LSM11: variants seen among roughly 807,000 people sequenced by gnomAD.
LSM11 encodes the protein LSM11, U7 small nuclear RNA associated, also known as U7 snRNA-associated Sm-like protein LSm11.
A neutral mutation model predicts 28.1 loss-of-function variants in LSM11; 14 were observed. The observed-to-expected ratio is 0.50, with a 90% CI of 0.33 to 0.78. The LOEUF (loss-of-function observed/expected upper bound fraction) is 0.78. LSM11 is among the 30% of genes least tolerant of loss of function. The pLI is 0.02. For missense variants in LSM11, 495 were observed against 510.6 expected, an observed-to-expected ratio of 0.97 and a Z score of 0.30; for synonymous variants, 207 against 214.2, an observed-to-expected ratio of 0.97 and a Z score of 0.30.
Position 157,743,766 on chromosome 5 carries a change from C to T in LSM11, c.16C>T (p.Arg6Trp), listed in dbSNP as rs566098761. 968 of 1,403,590 alleles carry T rather than the reference C, an allele frequency of 6.9e-4. 2 individuals carry two copies. The highest frequency in any genetic ancestry group is 2.8e-3 in the South Asian group (188 of 66,680). 86.9% of individuals were successfully genotyped at this position (1,403,590 alleles called of 1,614,324 possible). A position where few individuals can be genotyped will look rare whatever the true frequency, so the allele number is the denominator to read the frequency against. Residue 6 changes from arginine (R) to tryptophan (W), a missense_variant, in exon 1 of 4, where the codon CGG (arginine) becomes TGG (tryptophan). Arg to Trp is a moderately radical substitution (Grantham distance 101). Transcript: ENST00000286307. Reference sequence around the variant, plus strand: ...CCTTTCAAACATGGAGGAGCGGGAGCGGGGGGCGAGGTCGGCTGGCGCCGG... The same window carrying T: ...CCTTTCAAACATGGAGGAGCGGGAGTGGGGGGCGAGGTCGGCTGGCGCCGG... MEERE[R>W]GARSAGAGSP...
chr5:157,750,816 C>G (rs1561620285), intron 1 of LSM11, among the ~76,000 whole-genome samples: 1 of 152,128 alleles, frequency 6.6e-6, no homozygotes, highest in Non-Finnish European at 1.5e-5. Flanking sequence ...GAGTCTTGCT[C>G]TGTTGCCCAG....
At chr5:157,750,052 G>A (rs568936565) in intron 1 of LSM11, among the ~76,000 whole-genome samples, 13 of 152,274 alleles carry the variant, frequency 8.5e-5, no homozygotes, top group African/African-American at 1.2e-4. Flanking sequence ...AGAATTTTGC[G>A]TTGCAAACTT....
In LSM11 at chr5:157,743,967, G is replaced by C; in HGVS notation, c.217G>C (p.Gly73Arg). The C allele has an allele frequency of 7.8e-7, 1 of 1,287,448 alleles. No individual in the cohort carries two copies. The highest frequency in any genetic ancestry group is 9.8e-7 in the Non-Finnish European group (1 of 1,016,696). The allele number at this position is 1,287,448 out of a possible 1,614,324, so 79.8% of individuals were successfully genotyped here. A position where few individuals can be genotyped will look rare whatever the true frequency, so the allele number is the denominator to read the frequency against. Residue 73 changes from glycine (G) to arginine (R), a missense_variant, in exon 1 of 4, where the codon GGG becomes CGG. Transcript: ENST00000286307. ...GACCGGAGTCCGGGGCGGCGGGCGC[G>C]GGCGCGGGCGGGCTCGGGGCGCGGC... ...LRTGVRGGGRGRGRARGAAAG... is the reference protein window; with the variant it reads ...LRTGVRGGGRRRGRARGAAAG...
At chr5:157,746,491 A>G (rs1361324483) in intron 1 of LSM11, among the ~76,000 whole-genome samples, 1 of 152,242 alleles carries the variant, frequency 6.6e-6, no homozygotes, top group African/African-American at 2.4e-5. Context: ...TTTATGAAAA[A>G]ACAAGGAGTG....
Position 157,744,455 on chromosome 5 carries a change from G to T in LSM11, c.448+257G>T, listed in dbSNP as rs138860091. Among the ~76,000 whole-genome samples the T allele has an allele frequency of 3.1e-3, 479 of 152,302 alleles. 1 individual carries two copies. Among genetic ancestry groups the T allele is most frequent in the African/African-American group, 0.011 (455 of 41,550 alleles). ...ACAGAGGGAGAGTGGTAAGGCTGTA[G>T]TGGTCATAAGAAGCCGTGGGAAAGG... is the stretch of plus-strand genomic sequence containing the variant. On this transcript the variant is annotated intron_variant, in intron 1 of 3. Transcript: ENST00000286307.
At chr5:157,751,923 A>G (rs1160382079) in intron 2 of LSM11, among the ~76,000 whole-genome samples, 1 of 152,240 alleles carries the variant, frequency 6.6e-6, no homozygotes, top group East Asian at 1.9e-4. Flanking sequence ...CCTTAGTGCC[A>G]GGGTTGAGAA....
chr5:157,750,596 G>C (rs1326972202), intron 1 of LSM11, among the ~76,000 whole-genome samples: 1 of 152,186 alleles, frequency 6.6e-6, no homozygotes, highest in African/African-American at 2.4e-5. Flanking sequence ...GGGGTCAAAG[G>C]CCTTTCTTTC....
rs1237694808 is a variant in LSM11 at position 157,751,507 on chromosome 5, C to T, written c.566C>T (p.Ala189Val). The change falls in exon 2 of 4, where the codon GCA becomes GTA. Residue 189 changes from alanine (A) to valine (V), a missense_variant. Physicochemically the swap from Ala to Val is moderately conservative, Grantham distance 64. Coordinates refer to ENST00000286307, the MANE Select transcript of LSM11 (RefSeq NM_173491.4). The part of the protein sequence containing the change: ...LRGVCTGFLV[A>V]FDKFWNMALT... ...GGCGTCTGTACAGGCTTCCTTGTTG[C>T]ATTCGACAAGTTCTGGAATATGGTA... is the stretch of plus-strand genomic sequence containing the variant. The T allele has an allele frequency of 6.2e-7, 1 of 1,612,372 alleles. No individual in the cohort carries two copies. The highest frequency in any genetic ancestry group is 8.5e-7 in the Non-Finnish European group (1 of 1,179,366).
Position 157,755,572 on chromosome 5 carries a change from T to G in LSM11, c.*308T>G. The G allele has an allele frequency of 2.1e-6, 1 of 487,102 alleles. No homozygotes were observed. Among genetic ancestry groups the G allele is most frequent in the Admixed American group, 3.7e-5 (1 of 26,762 alleles). The allele number at this position is 487,102 out of a possible 1,614,324, so 30.2% of individuals were successfully genotyped here. A position where few individuals can be genotyped will look rare whatever the true frequency, so the allele number is the denominator to read the frequency against. On this transcript the variant is annotated 3_prime_UTR_variant, in exon 4 of 4. Transcript: ENST00000286307. ...TCCATTAGACTTAGGGGTCATGATA[T>G]GAGTGGAATTTACATTTTAGATACT... is the stretch of plus-strand genomic sequence containing the variant.
rs935041761 is a variant in LSM11, at chr5:157,744,257, G to A, written c.448+59G>A. On this transcript the variant is annotated intron_variant, in intron 1 of 3. Coordinates refer to ENST00000286307, the MANE Select transcript of LSM11 (RefSeq NM_173491.4). ...CCGCCGTCCGGAAGCTGGCTGCCGA[G>A]GGGGCGTCTGCGGGGCGGCGGTGGC... 14 of 1,201,272 alleles carry A rather than the reference G, an allele frequency of 1.2e-5. No homozygotes were observed. In the Admixed American group the frequency reaches 1.3e-4, roughly 11 times the overall value. The allele number at this position is 1,201,272 out of a possible 1,614,324, so 74.4% of individuals were successfully genotyped here.
In LSM11 at chr5:157,758,447, A is replaced by G. The variant is rs1761365498; in HGVS notation, c.*3183A>G. 3 of 152,222 alleles carry G rather than the reference A, an allele frequency of 2.0e-5. No homozygotes were observed. In the South Asian group the frequency reaches 6.2e-4, roughly 32 times the overall value. 9.4% of individuals were successfully genotyped at this position (152,222 alleles called of 1,614,324 possible). ...CGAAGATATTGTTTAAAAGAAAGAA[A>G]AAGTAGGTCCCAATAATATATGTGC... On this transcript the variant is annotated 3_prime_UTR_variant, in exon 4 of 4. Coordinates refer to ENST00000286307, the MANE Select transcript of LSM11 (RefSeq NM_173491.4).
chr5:157,746,726 G>A (rs139624115), intron 1 of LSM11, among the ~76,000 whole-genome samples: 2 of 152,176 alleles, frequency 1.3e-5, no homozygotes, highest in African/African-American at 4.8e-5. Context: ...CCTGGCCAAC[G>A]TGGTGAAACC....
rs765307029 is a variant in LSM11, at chr5:157,751,555, G to T, written c.588+26G>T. ...GTAATTAAGCCTTTCTCAAGGGGCT[G>T]GAGAACCTCCTACAGATTATATCTT... is the stretch of plus-strand genomic sequence containing the variant. On this transcript the variant is annotated intron_variant, in intron 2 of 3. Coordinates refer to ENST00000286307, the MANE Select transcript of LSM11 (RefSeq NM_173491.4). 235 of 1,600,294 alleles carry T rather than the reference G, an allele frequency of 1.5e-4. 3 individuals carry two copies. The South Asian group carries it at 2.3e-3, about 16-fold the overall frequency.
intron 2 of LSM11, 72 bp downstream of exon 2, chr5:157,751,601 G>A (rs1761233031): frequency 2.0e-6 from 3 of 1,505,000 alleles, no homozygotes; most frequent in African/African-American, 2.8e-5. Context: ...TAAAGGACCT[G>A]AGTAACTGCA....
At chr5:157,748,679 T>G (rs1290790059) in intron 1 of LSM11, among the ~76,000 whole-genome samples, 1 of 152,160 alleles carries the variant, frequency 6.6e-6, no homozygotes, top group Non-Finnish European at 1.5e-5. Context: ...AAATATTTCT[T>G]TCTAAGGAAA....
rs556779152 is a variant in LSM11 at position 157,744,650 on chromosome 5, G to T, written c.448+452G>T. Among the ~76,000 whole-genome samples the T allele has an allele frequency of 8.5e-5, 13 of 152,196 alleles. No homozygotes were observed. In the South Asian group the frequency reaches 2.7e-3, roughly 32 times the overall value. ...GAGGTCTTAGAGACCACAGTGAGAG[G>T]TAAGGTGGGGCGGAAAACGGGAGAC... On this transcript the variant is annotated intron_variant, in intron 1 of 3. Transcript: ENST00000286307.
At chr5:157,751,248 C>T (rs1761227077) in intron 1 of LSM11, 142 bp from the exon 2 acceptor site, 1 of 819,440 alleles carries the variant, frequency 1.2e-6, no homozygotes, top group African/African-American at 1.8e-5. Flanking sequence ...CCATGTTGCC[C>T]ATTGGACCTT....
intron 2 of LSM11, among the ~76,000 whole-genome samples, chr5:157,753,130 A>G (rs1036381292): frequency 2.0e-5 from 3 of 152,158 alleles, no homozygotes; most frequent in African/African-American, 4.8e-5. Context: ...CGCAGATCAC[A>G]CTGTTAGTAA....
Position 157,754,927 on chromosome 5 carries a change from C to G in LSM11, c.746C>G (p.Thr249Ser), listed in dbSNP as rs780925147. ...ADSKSAVEDS[T>S]LSRYSQTSTW... is the part of the protein sequence containing the mutation. The stretch of plus-strand genomic sequence containing the variant: ...TCTAAGTCTGCAGTTGAAGATTCCA[C>G]TCTGTCTAGATACTCACAGACATCC... Residue 249 changes from threonine (T) to serine (S), a missense_variant, in exon 4 of 4, where the codon ACT becomes AGT. Transcript: ENST00000286307. The G allele has an allele frequency of 2.5e-6, 4 of 1,614,218 alleles. No individual in the cohort carries two copies. In the South Asian group the frequency reaches 4.4e-5, roughly 18 times the overall value.
Sources: gnomAD v4.1 joint callset for allele counts (sites outside exome capture counted in the v4.1 genomes callset) on GRCh38, gnomAD v4.1.1 for gene constraint, MANE v1.5 for transcripts, NCBI Gene and HGNC (gene_info 2026-07-23, HGNC 2026-07-21) for gene names.